The following VPS13D variants were observed in gnomAD, a reference collection of about 807,000 sequenced individuals.
VPS13D encodes vacuolar protein sorting 13 homolog D, also known as intermembrane lipid transfer protein VPS13D.
Under a neutral mutation model 461.9 loss-of-function variants are expected in VPS13D, and 187 were observed. The observed-to-expected ratio is 0.40, with a 90% CI of 0.36 to 0.46. The LOEUF is 0.46. Ranked by LOEUF, VPS13D falls within the 20% of genes least tolerant of loss-of-function variation. The pLI is 0.60. For missense variants in VPS13D, 4,711 were observed against 5,364.9 expected, an observed-to-expected ratio of 0.88 and a Z score of 3.81; for synonymous variants, 1,951 against 1,986.3, an observed-to-expected ratio of 0.98 and a Z score of 0.47.
rs1161761053 is a variant in VPS13D, at chr1:12,340,088, C to T, written c.8627-1692C>T. Reference sequence around the variant, plus strand: ...CCTTTCAAAGTGCCACAGTAAATACCGTTTACCCTGCAGACAGCTCTTAAA... The same window carrying T: ...CCTTTCAAAGTGCCACAGTAAATACTGTTTACCCTGCAGACAGCTCTTAAA... On this transcript the variant is annotated intron_variant, in intron 40 of 69. Transcript: ENST00000620676. Among the ~76,000 whole-genome samples the T allele has an allele frequency of 3.3e-5, 5 of 152,252 alleles. No homozygotes were observed. The East Asian group carries it at 5.8e-4, about 18-fold the overall frequency.
chr1:12,443,217 C>T (rs928273938), intron 65 of VPS13D, among the ~76,000 whole-genome samples: 1 of 152,200 alleles, frequency 6.6e-6, no homozygotes, highest in Non-Finnish European at 1.5e-5. Context: ...GTTTTTAACT[C>T]ACATATAAGT....
At chr1:12,447,350 A>T (rs1362582031) in intron 65 of VPS13D, among the ~76,000 whole-genome samples, 2 of 152,172 alleles carry the variant, frequency 1.3e-5, no homozygotes, top group African/African-American at 4.8e-5. Flanking sequence ...TTCCAGCTTT[A>T]TCTGTAAAAT....
intron 39 of VPS13D, chr1:12,337,988 GAA>G (rs76484186): frequency 0.026 from 7,727 of 292,306 alleles, no homozygotes; most frequent in Middle Eastern, 0.035. Context: ...TCTAATTCAG[GAA>G]AAAAAAAAAA....
intron 26 of VPS13D, 78 bp from the exon 27 acceptor site, chr1:12,308,353 G>C: frequency 2.7e-6 from 4 of 1,458,426 alleles, no homozygotes; most frequent in Non-Finnish European, 3.8e-6. Flanking sequence ...AATGAGCTTT[G>C]CATTTTTTAT....
Position 12,373,795 on chromosome 1 carries a change from T to C in VPS13D, c.10854T>C (p.Ile3618=), listed in dbSNP as rs1297357759. 6.3e-7 allele frequency: 1 copy of C among 1,597,004 alleles called. No homozygotes were observed. The highest frequency in any genetic ancestry group is 1.7e-5 in the Admixed American group (1 of 57,538). ...GGCCTGTGGCTTCCAACAAGGCCATTACCTGTGCGGAGCTCGTTTTGGATG... is the reference window on the plus strand; with the variant it reads ...GGCCTGTGGCTTCCAACAAGGCCATCACCTGTGCGGAGCTCGTTTTGGATG... ...TGRPVASNKA[I]TCAELVLDVS... Residue 3618 remains isoleucine, a synonymous_variant, in exon 55 of 70, where the codon ATT becomes ATC. Transcript: ENST00000620676.
At chr1:12,417,488 C>A (rs1435956478) in intron 65 of VPS13D, among the ~76,000 whole-genome samples, 2 of 152,132 alleles carry the variant, frequency 1.3e-5, no homozygotes, top group African/African-American at 4.8e-5. Context: ...TTTTTCTCTT[C>A]CTTTCATCTC....
chr1:12,502,296 G>A lies in VPS13D; in HGVS notation c.12795-4557G>A, dbSNP rs1197968370. Among the ~76,000 whole-genome samples, 6 of 152,320 alleles carry A rather than the reference G, an allele frequency of 3.9e-5. No homozygotes were observed. Among genetic ancestry groups the A allele is most frequent in the African/African-American group, 1.2e-4 (5 of 41,590 alleles). The stretch of plus-strand genomic sequence containing the variant: ...AGAGGACAGATTGGAGAGGCATTTA[G>A]GAGGCAGCATCAGTGGAACCCTCAA... On this transcript the variant is annotated intron_variant, in intron 68 of 69. Coordinates refer to ENST00000620676, the MANE Select transcript of VPS13D (RefSeq NM_015378.4). This position sits in a 1 kb window ranked among gnomAD's most constrained non-coding sequence, Gnocchi z 4.3.
chr1:12,369,695 T>C lies in VPS13D; in HGVS notation c.10801T>C (p.Phe3601Leu), dbSNP rs752896208. ...NFIYIAATYT[F>L]SGLQEGTGRP... is the part of the protein sequence containing the mutation. ...CATTTACATTGCTGCTACATATACATTCTCTGGGTAATTCTTGATTAAATT... is the reference window on the plus strand; with the variant it reads ...CATTTACATTGCTGCTACATATACACTCTCTGGGTAATTCTTGATTAAATT... Residue 3601 changes from phenylalanine to leucine, a missense_variant, in exon 54 of 70, where the codon TTC becomes CTC. Around this residue, in one of 3 missense-constraint regions of VPS13D, gnomAD observed 4,411 missense variants for 4,937.8 expected, o/e 0.89. Coordinates refer to ENST00000620676, the MANE Select transcript of VPS13D (RefSeq NM_015378.4). 1 of 1,613,340 alleles carries C rather than the reference T, an allele frequency of 6.2e-7. No individual in the cohort carries two copies. The highest frequency in any genetic ancestry group is 2.2e-5 in the East Asian group (1 of 44,898).
At chr1:12,504,511 G>A (rs10864554) in intron 68 of VPS13D, among the ~76,000 whole-genome samples, 4,966 of 152,316 alleles carry the variant, frequency 0.033, 118 homozygotes, top group Non-Finnish European at 0.046. Context: ...TTTCTGTATG[G>A]CCATGAATTC....
At chr1:12,242,140 T>C (rs1640396533) in intron 2 of VPS13D, among the ~76,000 whole-genome samples, 1 of 152,206 alleles carries the variant, frequency 6.6e-6, no homozygotes, top group African/African-American at 2.4e-5. Flanking sequence ...TGTCCTGTTA[T>C]GGAAAATGTA....
At position 12,279,588 on chromosome 1, in the gene VPS13D, C is replaced by A. The variant is rs1210600455; in HGVS notation, c.4540C>A (p.Pro1514Thr). 6.2e-7 allele frequency: 1 copy of A among 1,613,068 alleles called. No homozygotes were observed. Among genetic ancestry groups the A allele is most frequent in the East Asian group, 2.2e-5 (1 of 44,866 alleles). The change falls in exon 20 of 70, where the codon CCA becomes ACA. Residue 1514 changes from proline (P) to threonine (T), a missense_variant. By Grantham distance (38) the Pro-to-Thr change is conservative (BLOSUM62 -1). Transcript: ENST00000620676. This position sits in a 1 kb window ranked among gnomAD's most constrained non-coding sequence, Gnocchi z 4.3. ...RESELTFSLS[P>T]DDLGTSSIMK... ...ATCTGAATTGACTTTTTCTCTTAGC[C>A]CAGATGACCTGGGAACTTCTAGCAT...
chr1:12,315,334 G>C (rs1389161550), intron 30 of VPS13D, among the ~76,000 whole-genome samples: 1 of 152,164 alleles, frequency 6.6e-6, no homozygotes, highest in East Asian at 1.9e-4. Context: ...GAATTCCCCA[G>C]GGTTTAGGTT....
At chr1:12,253,158 C>CA (rs35079980) in intron 6 of VPS13D, among the ~76,000 whole-genome samples, 4,506 of 85,788 alleles carry the variant, frequency 0.053, 86 homozygotes, top group Non-Finnish European at 0.078. Context: ...AACTCCATCT[C>CA]AAAAAAAAAA....
chr1:12,308,349 C>T, intron 26 of VPS13D, 82 bp from the exon 27 acceptor site: 1 of 1,426,286 alleles, frequency 7.0e-7, no homozygotes. Context: ...ACAGAATGAG[C>T]TTTGCATTTT....
intron 47 of VPS13D, among the ~76,000 whole-genome samples, chr1:12,355,254 A>T (rs1426528653): frequency 1.3e-5 from 2 of 152,266 alleles, no homozygotes; most frequent in African/African-American, 2.4e-5. Context: ...GTTCATCCAC[A>T]AAGATTCATA....
intron 52 of VPS13D, among the ~76,000 whole-genome samples, chr1:12,364,334 T>G (rs1643998764): frequency 6.6e-6 from 1 of 152,192 alleles, no homozygotes; most frequent in East Asian, 1.9e-4. Flanking sequence ...TGTGACTGGC[T>G]TATTTCACTT....
chr1:12,253,894 CG>C, intron 7 of VPS13D, 68 bp downstream of exon 7: 1 of 1,281,022 alleles, frequency 7.8e-7, no homozygotes. Flanking sequence ...GTCACTGCCA[CG>C]GGGGCTTTTG....
chr1:12,460,817 C>T (rs1345577986), intron 67 of VPS13D, among the ~76,000 whole-genome samples: 1 of 152,150 alleles, frequency 6.6e-6, no homozygotes, highest in Non-Finnish European at 1.5e-5. Flanking sequence ...GTTCTTACTC[C>T]TACACCCCGT....
intron 26 of VPS13D, among the ~76,000 whole-genome samples, chr1:12,305,770 C>G (rs969544809): frequency 6.6e-6 from 1 of 152,044 alleles, no homozygotes; most frequent in Non-Finnish European, 1.5e-5. Flanking sequence ...TTACATAGAT[C>G]CGAGGAATTG....
Sources: gnomAD v4.1 joint callset for allele counts (sites outside exome capture counted in the v4.1 genomes callset) on GRCh38, gnomAD v4.1.1 for gene constraint, gnomAD v4.1.1 regional missense constraint, Gnocchi (gnomAD v3.1) non-coding constraint, MANE v1.5 for transcripts, NCBI Gene and HGNC (gene_info 2026-07-23, HGNC 2026-07-21) for gene names.